IL1RAPL1: variants seen among roughly 807,000 people sequenced by gnomAD.
The protein encoded by IL1RAPL1 is interleukin-1 receptor accessory protein-like 1.
In IL1RAPL1, 3 loss-of-function variants were observed where a neutral mutation model predicts 48.4. That is an observed-to-expected ratio of 0.06 (90% CI 0.03 to 0.16). The LOEUF (loss-of-function observed/expected upper bound fraction) is 0.16. IL1RAPL1 is among the 10% of genes least tolerant of loss of function. The pLI is 1.00. For missense variants in IL1RAPL1, 349 were observed against 530.6 expected, an observed-to-expected ratio of 0.66 and a Z score of 3.36; for synonymous variants, 185 against 187.7, an observed-to-expected ratio of 0.99 and a Z score of 0.12.
At chrX:29,407,603 C>T (rs937533539) in intron 5 of IL1RAPL1, among the ~76,000 whole-genome samples, 2 of 111,484 alleles carry the variant, frequency 1.8e-5, no homozygotes, top group African/African-American at 6.6e-5. Flanking sequence ...TATATACACA[C>T]AAACACTTAC....
chrX:29,366,754 A>G lies in IL1RAPL1; in HGVS notation c.363-29504A>G, dbSNP rs771388474. ...CGGCTAATTTTCATATTTTTAGTAG[A>G]GACGGGGTTTCACCATGTTAGTCAG... On this transcript the variant is annotated intron_variant, in intron 3 of 10. Coordinates refer to ENST00000378993, the MANE Select transcript of IL1RAPL1 (RefSeq NM_014271.4). 2.2e-4 allele frequency among the ~76,000 whole-genome samples: 24 copies of G among 107,759 alleles called. No individual in the cohort carries two copies. The South Asian group carries it at 9.7e-3, about 43-fold the overall frequency. 93.6% of individuals were successfully genotyped at this position (107,759 alleles called of 115,157 possible).
At chrX:29,537,213 C>G (rs1921262705) in intron 5 of IL1RAPL1, among the ~76,000 whole-genome samples, 1 of 110,856 alleles carries the variant, frequency 9.0e-6, no homozygotes, top group Non-Finnish European at 1.9e-5. Context: ...TTTGGATATG[C>G]AGAAACACTG....
In IL1RAPL1 at chrX:29,650,496, T is replaced by C. The variant is rs763023434; in HGVS notation, c.704-17934T>C. On this transcript the variant is annotated intron_variant, in intron 5 of 10. Coordinates refer to ENST00000378993, the MANE Select transcript of IL1RAPL1 (RefSeq NM_014271.4). Reference sequence around the variant, plus strand: ...TTACAGCTAACTCATTTTTTTTTTTTCAAAAACTGCCAAGAATACACAATG... The same window carrying C: ...TTACAGCTAACTCATTTTTTTTTTTCCAAAAACTGCCAAGAATACACAATG... 1.5e-3 allele frequency among the ~76,000 whole-genome samples: 166 copies of C among 110,184 alleles called. 2 individuals carry two copies. Among genetic ancestry groups the C allele is most frequent in the African/African-American group, 5.2e-3 (158 of 30,449 alleles).
intron 5 of IL1RAPL1, among the ~76,000 whole-genome samples, chrX:29,595,249 T>C (rs1923504609): frequency 8.9e-6 from 1 of 112,236 alleles, no homozygotes; most frequent in African/African-American, 3.2e-5. Flanking sequence ...TCTGGGTAGA[T>C]ACCTAGTAGT....
intron 8 of IL1RAPL1, among the ~76,000 whole-genome samples, chrX:29,921,854 G>A (rs1289057527): frequency 1.8e-5 from 2 of 111,938 alleles, no homozygotes; most frequent in African/African-American, 6.5e-5. Context: ...CAGTCACCAT[G>A]AGTCTCTGAA....
chrX:29,025,763 G>A (rs1926471135), intron 2 of IL1RAPL1, among the ~76,000 whole-genome samples: 1 of 111,225 alleles, frequency 9.0e-6, no homozygotes, highest in Non-Finnish European at 1.9e-5. Flanking sequence ...GATAAATATG[G>A]TAAGATAATT....
At chrX:28,845,485 T>G (rs1601928703) in intron 2 of IL1RAPL1, among the ~76,000 whole-genome samples, 1 of 111,589 alleles carries the variant, frequency 9.0e-6, no homozygotes, top group Admixed American at 9.6e-5. Flanking sequence ...TACCTCTATA[T>G]CTGGTCAACT....
At chrX:29,267,445 A>T (rs1389894486) in intron 2 of IL1RAPL1, among the ~76,000 whole-genome samples, 1 of 112,127 alleles carries the variant, frequency 8.9e-6, no homozygotes, top group Non-Finnish European at 1.9e-5. Flanking sequence ...TATTACTTAA[A>T]GTAGTGGTAA....
Position 29,027,403 on chromosome X carries a change from A to G in IL1RAPL1, c.82+237978A>G, listed in dbSNP as rs753748375. On this transcript the variant is annotated intron_variant, in intron 2 of 10. Transcript: ENST00000378993. ...TTGTTTTTGACATGAATAATATTCC[A>G]CTTTCTGGTTGTACCACAGTTTATT... Among the ~76,000 whole-genome samples the G allele has an allele frequency of 2.7e-5, 3 of 111,723 alleles. No homozygotes were observed. The South Asian group carries it at 1.1e-3, about 41-fold the overall frequency.
At position 29,211,158 on chromosome X, in the gene IL1RAPL1, T is replaced by G. The variant is rs181573892; in HGVS notation, c.83-71780T>G. ...GAGAGAGAGAACCGAAACAAAGTAT[T>G]CTCTCACTTTCTTCTCTTTTAAATA... is the stretch of plus-strand genomic sequence containing the variant. On this transcript the variant is annotated intron_variant, in intron 2 of 10. Transcript: ENST00000378993. 9.8e-3 allele frequency among the ~76,000 whole-genome samples: 1,088 copies of G among 110,599 alleles called. 20 individuals are homozygous for G. Among genetic ancestry groups the G allele is most frequent in the African/African-American group, 0.034 (1,042 of 30,383 alleles).
chrX:29,257,237 T>C (rs1389125486), intron 2 of IL1RAPL1, among the ~76,000 whole-genome samples: 2 of 111,741 alleles, frequency 1.8e-5, no homozygotes, highest in Admixed American at 9.5e-5. Flanking sequence ...CCGGTTATAA[T>C]GTTAGCACCA....
At chrX:28,601,245 C>A (rs1934021899) in intron 1 of IL1RAPL1, among the ~76,000 whole-genome samples, 1 of 110,779 alleles carries the variant, frequency 9.0e-6, no homozygotes, top group African/African-American at 3.3e-5. Context: ...ATGGTGAAAC[C>A]CTGTCTTTAC....
At chrX:29,122,224 TAATAA>T (rs1458051455) in intron 2 of IL1RAPL1, among the ~76,000 whole-genome samples, 2 of 111,338 alleles carry the variant, frequency 1.8e-5, no homozygotes, top group Non-Finnish European at 3.8e-5. Flanking sequence ...ATTATCGCTA[TAATAA>T]AATCTCCATT....
At chrX:29,727,573 T>C (rs1927807693) in intron 6 of IL1RAPL1, among the ~76,000 whole-genome samples, 1 of 111,983 alleles carries the variant, frequency 8.9e-6, no homozygotes, top group South Asian at 3.7e-4. Context: ...ACAGGTTCTC[T>C]GGAAGAGAAA....
chrX:29,230,705 A>C (rs776822810), intron 2 of IL1RAPL1, among the ~76,000 whole-genome samples: 1 of 109,791 alleles, frequency 9.1e-6, no homozygotes, highest in Non-Finnish European at 1.9e-5. Flanking sequence ...CCACAAGTTA[A>C]TTTGATGAAG....
intron 5 of IL1RAPL1, among the ~76,000 whole-genome samples, chrX:29,594,703 AT>A (rs1445472117): frequency 9.0e-6 from 1 of 110,669 alleles, no homozygotes; most frequent in Non-Finnish European, 1.9e-5. Context: ...TGAGTTGGGG[AT>A]TTTTTATTTG....
intron 5 of IL1RAPL1, among the ~76,000 whole-genome samples, chrX:29,578,228 A>G (rs915194139): frequency 2.7e-5 from 3 of 112,131 alleles, no homozygotes; most frequent in Non-Finnish European, 5.6e-5. Flanking sequence ...ATGGGAGGGA[A>G]GGAGCAAGAT....
intron 3 of IL1RAPL1, among the ~76,000 whole-genome samples, chrX:29,347,502 C>T (rs1933166952): frequency 9.3e-6 from 1 of 107,388 alleles, no homozygotes. Flanking sequence ...AATCCTCCCA[C>T]ATCAGCCTCC....
intron 6 of IL1RAPL1, among the ~76,000 whole-genome samples, chrX:29,819,372 C>A (rs1930560816): frequency 9.0e-6 from 1 of 110,979 alleles, no homozygotes; most frequent in African/African-American, 3.3e-5. Flanking sequence ...GTTTCATACC[C>A]ATAAATAGAA....
Sources: gnomAD v4.1 joint callset for allele counts (sites outside exome capture counted in the v4.1 genomes callset) on GRCh38, gnomAD v4.1.1 for gene constraint, MANE v1.5 for transcripts, NCBI Gene and HGNC (gene_info 2026-07-23, HGNC 2026-07-21) for gene names.